MEIS2: variants seen among roughly 807,000 people sequenced by gnomAD.
MEIS2 encodes the protein homeobox protein Meis2.
A neutral mutation model predicts 58.6 loss-of-function variants in MEIS2; 9 were observed. That is an observed-to-expected ratio of 0.15 (90% CI 0.09 to 0.27). The LOEUF is 0.27. Ranked by LOEUF, MEIS2 falls within the 10% of genes least tolerant of loss-of-function variation. The pLI is 1.00. For synonymous variants in MEIS2, 221 were observed against 228.4 expected (o/e 0.97, Z 0.29); for missense variants, 427 against 635.0 (o/e 0.67, Z 3.52).
chr15:36,906,333 T>C lies in MEIS2; in HGVS notation c.978-9647A>G, dbSNP rs144985128. Among the ~76,000 whole-genome samples, 7 of 152,148 alleles carry C rather than the reference T, an allele frequency of 4.6e-5. No homozygotes were observed. In the East Asian group the frequency reaches 1.4e-3, roughly 29 times the overall value. On this transcript the variant is annotated intron_variant, in intron 9 of 11. Coordinates refer to ENST00000561208, the MANE Select transcript of MEIS2 (RefSeq NM_170675.5). ...AAGCTGAGAAGATGGAAAGTTCTTG[T>C]CCAATCCAGGCAGAAGAGGGAAACA... is the stretch of plus-strand genomic sequence containing the variant.
rs77256430 is a variant in MEIS2 at position 36,927,864 on chromosome 15, A to G, written c.977+22460T>C. Among the ~76,000 whole-genome samples, 978 of 152,250 alleles carry G rather than the reference A, an allele frequency of 6.4e-3. 10 individuals are homozygous for G. Among genetic ancestry groups the G allele is most frequent in the African/African-American group, 0.022 (923 of 41,528 alleles). ...GATCCTGTCAGCTGTTTGTACCTCAATGGTACACATTATAAAACTCAGGTA... is the reference window on the plus strand; with the variant it reads ...GATCCTGTCAGCTGTTTGTACCTCAGTGGTACACATTATAAAACTCAGGTA... On this transcript the variant is annotated intron_variant, in intron 9 of 11. Coordinates refer to ENST00000561208, the MANE Select transcript of MEIS2 (RefSeq NM_170675.5).
At position 37,008,285 on chromosome 15, in the gene MEIS2, T is replaced by C. The variant is rs113815868; in HGVS notation, c.900+28529A>G. Among the ~76,000 whole-genome samples, 8 of 152,372 alleles carry C rather than the reference T, an allele frequency of 5.3e-5. 1 individual carries two copies. Among genetic ancestry groups the C allele is most frequent in the African/African-American group, 1.9e-4 (8 of 41,580 alleles). On this transcript the variant is annotated intron_variant, in intron 8 of 11. Transcript: ENST00000561208. ...AATTAGTAATAAAATCAACCCAATT[T>C]AATAAACCCAATGTTTTTAAAATGT...
At chr15:37,071,666 T>A (rs1448306576) in intron 7 of MEIS2, among the ~76,000 whole-genome samples, 2 of 152,100 alleles carry the variant, frequency 1.3e-5, no homozygotes, top group Non-Finnish European at 2.9e-5. Context: ...ATCTATTAGA[T>A]TAGGTATTAT....
chr15:37,093,774 T>C (rs1893847016), intron 5 of MEIS2, 44 bp from the exon 6 acceptor site: 2 of 1,602,002 alleles, frequency 1.2e-6, no homozygotes, highest in South Asian at 1.1e-5. Flanking sequence ...ATGTTGTTGT[T>C]GTTGTTGTTT....
rs181803796 is a variant in MEIS2, at chr15:37,052,831, C to T, written c.755-15872G>A. ...TTCTTCCGAAACTCATATCTCAAAA[C>T]GGCACAAAAGCAAAGGGTCACGTGT... is the stretch of plus-strand genomic sequence containing the variant. On this transcript the variant is annotated intron_variant, in intron 7 of 11. Transcript: ENST00000561208. 3.3e-3 allele frequency among the ~76,000 whole-genome samples: 503 copies of T among 152,282 alleles called. 5 individuals are homozygous for T. The highest frequency in any genetic ancestry group is 0.012 in the African/African-American group (480 of 41,540).
chr15:37,074,151 G>A (rs1419851520), intron 7 of MEIS2, among the ~76,000 whole-genome samples: 1 of 151,940 alleles, frequency 6.6e-6, no homozygotes, highest in Non-Finnish European at 1.5e-5. Context: ...GATAATGGAG[G>A]ATGGAGACGT....
At chr15:36,953,979 T>C (rs765474409) in intron 8 of MEIS2, among the ~76,000 whole-genome samples, 5 of 152,214 alleles carry the variant, frequency 3.3e-5, no homozygotes, top group Non-Finnish European at 5.9e-5. Context: ...TCTGTGATGA[T>C]ATCCAAACTG....
At chr15:36,957,316 C>A (rs957519276) in intron 8 of MEIS2, among the ~76,000 whole-genome samples, 2 of 152,220 alleles carry the variant, frequency 1.3e-5, no homozygotes, top group Non-Finnish European at 2.9e-5. Context: ...GACTCAATAA[C>A]CTTACAGCAA....
chr15:37,097,800 G>A (rs1894469020), intron 2 of MEIS2, among the ~76,000 whole-genome samples, 167 bp downstream of exon 2: 1 of 152,124 alleles, frequency 6.6e-6, no homozygotes, highest in African/African-American at 2.4e-5. Context: ...GACTCCAGGG[G>A]CAGAAGAGCA....
At chr15:37,030,586 C>T (rs2061876483) in intron 8 of MEIS2, among the ~76,000 whole-genome samples, 1 of 151,946 alleles carries the variant, frequency 6.6e-6, no homozygotes, top group Non-Finnish European at 1.5e-5. Flanking sequence ...ATCCACCCCC[C>T]TTGGCCTCCC....
intron 7 of MEIS2, among the ~76,000 whole-genome samples, chr15:37,082,606 C>T (rs1024639462): frequency 3.3e-5 from 5 of 152,080 alleles, no homozygotes; most frequent in Admixed American, 6.6e-5. Context: ...GTATATAAAA[C>T]AGTATATATT....
At chr15:36,929,414 T>C (rs547750554) in intron 9 of MEIS2, among the ~76,000 whole-genome samples, 2 of 152,312 alleles carry the variant, frequency 1.3e-5, no homozygotes, top group South Asian at 4.1e-4. Flanking sequence ...CATTTTAGAT[T>C]TTATTTTCTC....
intron 3 of MEIS2, 105 bp downstream of exon 3, chr15:37,096,184 A>G: frequency 7.8e-7 from 1 of 1,280,750 alleles, no homozygotes; most frequent in South Asian, 1.5e-5. Context: ...GGCCAGAGGA[A>G]CAGATAGGGT....
chr15:37,064,053 C>T (rs891101551), intron 7 of MEIS2, among the ~76,000 whole-genome samples: 4 of 152,064 alleles, frequency 2.6e-5, no homozygotes, highest in Admixed American at 2.6e-4. Flanking sequence ...TAATGATATG[C>T]GAAGACAGCA....
intron 8 of MEIS2, among the ~76,000 whole-genome samples, chr15:36,994,962 A>AT: frequency 6.6e-6 from 1 of 152,362 alleles, no homozygotes; most frequent in South Asian, 2.1e-4. Flanking sequence ...CATAGCTCAC[A>AT]TATGAGACCA....
chr15:37,042,743 A>G (rs1210980162), intron 7 of MEIS2, among the ~76,000 whole-genome samples: 2 of 152,060 alleles, frequency 1.3e-5, no homozygotes, highest in African/African-American at 4.8e-5. Context: ...AAATGTGCTA[A>G]CTCTTCTCCA....
chr15:37,044,586 C>G (rs1236969014), intron 7 of MEIS2, among the ~76,000 whole-genome samples: 4 of 152,094 alleles, frequency 2.6e-5, no homozygotes, highest in Non-Finnish European at 5.9e-5. Context: ...CCTTGAATGC[C>G]CTTTCTCTTC....
At position 37,043,402 on chromosome 15, in the gene MEIS2, T is replaced by C. The variant is rs1174062169; in HGVS notation, c.755-6443A>G. Among the ~76,000 whole-genome samples the C allele has an allele frequency of 2.0e-5, 3 of 152,276 alleles. No homozygotes were observed. The East Asian group carries it at 5.8e-4, about 29-fold the overall frequency. Reference sequence around the variant, plus strand: ...AACATAGGTAGACAGATATCAATATTGATATCTTCCAGACAACCCATTTCC... The same window carrying C: ...AACATAGGTAGACAGATATCAATATCGATATCTTCCAGACAACCCATTTCC... On this transcript the variant is annotated intron_variant, in intron 7 of 11. Transcript: ENST00000561208.
intron 9 of MEIS2, among the ~76,000 whole-genome samples, chr15:36,922,230 C>T (rs1403544): frequency 0.72 from 109,853 of 152,024 alleles, 40,300 homozygotes; most frequent in Admixed American, 0.8. Flanking sequence ...AACAAGCCCT[C>T]AAGCCTGGAA....
Sources: allele counts gnomAD v4.1 joint callset (sites outside exome capture counted in the v4.1 genomes callset), GRCh38; gene constraint gnomAD v4.1.1; transcripts MANE v1.5; gene names NCBI Gene and HGNC (gene_info 2026-07-23, HGNC 2026-07-21).